DMGDH: variants seen among roughly 807,000 people sequenced by gnomAD.
DMGDH encodes the protein dimethylglycine dehydrogenase, mitochondrial.
In DMGDH, 76 loss-of-function variants were observed where a neutral mutation model predicts 95.2. That is an observed-to-expected ratio of 0.80 (90% CI 0.66 to 0.97). The LOEUF is 0.97. Ranked by LOEUF, DMGDH falls within the 50% of genes least tolerant of loss-of-function variation. DMGDH has a pLI of 0.00. For synonymous variants in DMGDH, 345 were observed against 377.6 expected (o/e 0.91, Z 1.00); for missense variants, 987 against 1,055.0 (o/e 0.94, Z 0.89).
intron 2 of DMGDH, among the ~76,000 whole-genome samples, chr5:79,057,021 T>C (rs1342493510): frequency 6.6e-6 from 1 of 152,200 alleles, no homozygotes; most frequent in East Asian, 1.9e-4. Flanking sequence ...GGCCCTTTCC[T>C]GAAATTGCAA....
At chr5:79,001,210 T>C in intron 15 of DMGDH, 1 of 368,966 alleles carries the variant, frequency 2.7e-6, no homozygotes. Flanking sequence ...TTGCCCCAGC[T>C]GGAGTGCAGA....
intron 15 of DMGDH, among the ~76,000 whole-genome samples, chr5:79,002,063 A>G (rs1022969328): frequency 1.3e-5 from 2 of 152,212 alleles, no homozygotes; most frequent in Non-Finnish European, 2.9e-5. Flanking sequence ...CAATGTGAAT[A>G]ATTCTCATTT....
chr5:79,062,385 T>G (rs1227441494), intron 2 of DMGDH, among the ~76,000 whole-genome samples: 1 of 150,214 alleles, frequency 6.7e-6, no homozygotes, highest in Non-Finnish European at 1.5e-5. Flanking sequence ...CTTTTCATGC[T>G]AGACTCTCCA....
Position 79,033,425 on chromosome 5 carries a change from T to G in DMGDH, c.1194-17A>C. ...ATGCCATATCTTTCAAATACAGGGATAGAAAACCCATTACTAACACATGTA... is the reference window on the plus strand; with the variant it reads ...ATGCCATATCTTTCAAATACAGGGAGAGAAAACCCATTACTAACACATGTA... On this transcript the variant is annotated splice_polypyrimidine_tract_variant and intron_variant, in intron 7 of 15. Coordinates refer to ENST00000255189, the MANE Select transcript of DMGDH (RefSeq NM_013391.3). The G allele has an allele frequency of 6.2e-7, 1 of 1,613,864 alleles. No individual in the cohort carries two copies. The highest frequency in any genetic ancestry group is 8.5e-7 in the Non-Finnish European group (1 of 1,179,948).
chr5:79,005,098 A>AT (rs1213560461), intron 15 of DMGDH, among the ~76,000 whole-genome samples, 175 bp downstream of exon 15: 19 of 152,334 alleles, frequency 1.2e-4, no homozygotes, highest in African/African-American at 4.3e-4. Context: ...GCAACATTGC[A>AT]TTTTCCTTTC....
chr5:79,029,226 C>T (rs1330808661), intron 11 of DMGDH, among the ~76,000 whole-genome samples: 2 of 152,136 alleles, frequency 1.3e-5, no homozygotes, highest in Non-Finnish European at 2.9e-5. Flanking sequence ...TCTGGATTTA[C>T]ACAAAGCTAA....
Position 79,067,313 on chromosome 5 carries a change from C to T in DMGDH, c.101+2207G>A, listed in dbSNP as rs142700755. On this transcript the variant is annotated intron_variant, in intron 1 of 15. Transcript: ENST00000255189. ...GTACATATGACCCAACTACTTTGGA[C>T]GGAAATCCATTTTTAAACAGACTGG... is the stretch of plus-strand genomic sequence containing the variant. Among the ~76,000 whole-genome samples the T allele has an allele frequency of 3.0e-4, 46 of 152,266 alleles. No homozygotes were observed. In the East Asian group the frequency reaches 5.0e-3, roughly 17 times the overall value.
chr5:79,051,224 G>A (rs1370889245), intron 5 of DMGDH, 63 bp downstream of exon 5: 109 of 1,519,652 alleles, frequency 7.2e-5, no homozygotes, highest in South Asian at 3.8e-4. Flanking sequence ...GAAACATTAC[G>A]GCTAAATATC....
chr5:79,001,352 G>C (rs897510274), intron 15 of DMGDH, among the ~76,000 whole-genome samples: 1 of 152,074 alleles, frequency 6.6e-6, no homozygotes, highest in Admixed American at 6.6e-5. Context: ...TAGTAGAGAC[G>C]GGGTTTCACC....
intron 15 of DMGDH, among the ~76,000 whole-genome samples, chr5:78,999,496 A>G (rs1013823811): frequency 3.3e-5 from 5 of 150,238 alleles, no homozygotes; most frequent in African/African-American, 7.3e-5. Context: ...ACGCCCGGCT[A>G]ATTTTTTTGT....
At chr5:79,026,758 C>T (rs1420003472) in intron 12 of DMGDH, among the ~76,000 whole-genome samples, 177 bp from the exon 13 acceptor site, 1 of 152,180 alleles carries the variant, frequency 6.6e-6, no homozygotes, top group Non-Finnish European at 1.5e-5. Context: ...AGAAGCCCAC[C>T]ATATCACAGA....
chr5:79,067,728 A>T (rs1755418381), intron 1 of DMGDH, among the ~76,000 whole-genome samples: 1 of 152,176 alleles, frequency 6.6e-6, no homozygotes, highest in African/African-American at 2.4e-5. Context: ...AATGTAGTCG[A>T]GGATGTTTAT....
At chr5:79,012,907 G>A (rs1054834620) in intron 14 of DMGDH, among the ~76,000 whole-genome samples, 1 of 152,174 alleles carries the variant, frequency 6.6e-6, no homozygotes, top group Non-Finnish European at 1.5e-5. Context: ...TGATGATAGG[G>A]ATTGTTGTGA....
intron 14 of DMGDH, chr5:79,021,418 G>A (rs1352566606): frequency 9.3e-6 from 11 of 1,186,838 alleles, no homozygotes; most frequent in African/African-American, 3.2e-5. Flanking sequence ...CTAGATGAAC[G>A]GATGAATGAA....
At chr5:79,065,881 T>C (rs1755363947) in intron 1 of DMGDH, among the ~76,000 whole-genome samples, 1 of 152,210 alleles carries the variant, frequency 6.6e-6, no homozygotes, top group South Asian at 2.1e-4. Context: ...CACCATTGTA[T>C]ATGTGGTCCA....
Position 79,030,893 on chromosome 5 carries a change from G to A in DMGDH, c.1623C>T (p.Asn541=). 1.2e-6 allele frequency: 2 copies of A among 1,614,112 alleles called. No homozygotes were observed. Among genetic ancestry groups the A allele is most frequent in the East Asian group, 4.5e-5 (2 of 44,878 alleles). The change falls in exon 10 of 16, where the codon AAC becomes AAT. Residue 541 remains asparagine (N), a synonymous_variant. Coordinates refer to ENST00000255189, the MANE Select transcript of DMGDH (RefSeq NM_013391.3). The part of the protein sequence containing the change: ...VTDLSPFGKF[N]IKGQDSIRLL... ...GTCTAATGGAATCTTGGCCTTTGAT[G>A]TTAAACTTGCCAAATGGTGATAGGT...
intron 14 of DMGDH, among the ~76,000 whole-genome samples, 175 bp from the exon 15 acceptor site, chr5:79,005,582 A>C (rs986821206): frequency 6.6e-6 from 1 of 152,238 alleles, no homozygotes; most frequent in African/African-American, 2.4e-5. Flanking sequence ...TGAGAGTATC[A>C]GCCACCTATT....
intron 7 of DMGDH, 104 bp from the exon 8 acceptor site, chr5:79,033,512 T>C (rs1754252532): frequency 1.5e-6 from 2 of 1,307,856 alleles, no homozygotes; most frequent in African/African-American, 1.5e-5. Context: ...TGTTCTGTGC[T>C]AATCAGAACA....
At chr5:79,014,628 C>T (rs772955483) in intron 14 of DMGDH, among the ~76,000 whole-genome samples, 1 of 152,244 alleles carries the variant, frequency 6.6e-6, no homozygotes, top group East Asian at 1.9e-4. Context: ...AGTTCCTTTA[C>T]TCTAAATGAC....
Sources: allele counts gnomAD v4.1 joint callset (sites outside exome capture counted in the v4.1 genomes callset), GRCh38; gene constraint gnomAD v4.1.1; transcripts MANE v1.5; gene names NCBI Gene and HGNC (gene_info 2026-07-23, HGNC 2026-07-21).